The following FBXO38 variants were observed in gnomAD, a reference collection of about 807,000 sequenced individuals.
FBXO38 encodes the protein F-box only protein 38.
In FBXO38, 53 loss-of-function variants were observed where a neutral mutation model predicts 131.9. The observed-to-expected ratio is 0.40, with a 90% CI of 0.32 to 0.51. The LOEUF (loss-of-function observed/expected upper bound fraction) is 0.51. Ranked by LOEUF, FBXO38 falls within the 20% of genes least tolerant of loss-of-function variation. The pLI is 0.53. For synonymous variants in FBXO38, 452 were observed against 505.6 expected, an observed-to-expected ratio of 0.89 and a Z score of 1.42; for missense variants, 1,076 against 1,475.6, an observed-to-expected ratio of 0.73 and a Z score of 4.44.
rs927460825 is a variant in FBXO38, at chr5:148,394,864, A to T, written c.88A>T (p.Met30Leu). 1 of 1,599,664 alleles carries T rather than the reference A, an allele frequency of 6.3e-7. No homozygotes were observed. The highest frequency in any genetic ancestry group is 1.3e-5 in the African/African-American group (1 of 74,096). The part of the protein sequence containing the change: ...EMTADETKDY[M>L]NQLSHEVLCH... ...GACAGCAGATGAAACAAAGGACTATATGAATCAACTTTCACATGAAGTACT... is the reference window on the plus strand; with the variant it reads ...GACAGCAGATGAAACAAAGGACTATTTGAATCAACTTTCACATGAAGTACT... Residue 30 changes from methionine to leucine, a missense_variant, in exon 2 of 22, where the codon ATG becomes TTG. By Grantham distance (15) the Met-to-Leu change is conservative. Transcript: ENST00000340253.
intron 1 of FBXO38, among the ~76,000 whole-genome samples, chr5:148,389,486 T>TTC (rs1460835105): frequency 6.6e-6 from 1 of 152,234 alleles, no homozygotes; most frequent in African/African-American, 2.4e-5. Flanking sequence ...CAAGTCATCT[T>TTC]TCTCTAATGC....
chr5:148,394,035 A>C (rs1758349334), intron 1 of FBXO38, among the ~76,000 whole-genome samples: 1 of 152,096 alleles, frequency 6.6e-6, no homozygotes. Flanking sequence ...CAAAATATGC[A>C]TGTGATGCAA....
Position 148,409,188 on chromosome 5 carries a change from T to C in FBXO38, c.933T>C (p.Leu311=), listed in dbSNP as rs1393726735. The change falls in exon 8 of 22, where the codon CTT becomes CTC. Residue 311 remains leucine (L), a synonymous_variant. Transcript: ENST00000340253. ...GCAAAAATGCTCTTGAAGTAGATCT[T>C]GGTTACCTCATCATTACTGCTGCCC... ...GACKNALEVD[L]GYLIITAARR... is the part of the protein sequence containing the mutation. The C allele has an allele frequency of 6.2e-7, 1 of 1,611,664 alleles. No individual in the cohort carries two copies. Among genetic ancestry groups the C allele is most frequent in the Non-Finnish European group, 8.5e-7 (1 of 1,177,920 alleles).
At position 148,423,789 on chromosome 5, in the gene FBXO38, C is replaced by G. The variant is rs761322005; in HGVS notation, c.1619-209C>G. ...GGCTTTCTCCAACAAATGATCCTTT[C>G]CCATCTGTGATTTTCTCTCCTGTAG... On this transcript the variant is annotated intron_variant, in intron 12 of 21. Transcript: ENST00000340253. 6.2e-5 allele frequency: 21 copies of G among 337,082 alleles called. No individual in the cohort carries two copies. The South Asian group carries it at 1.5e-3, about 25-fold the overall frequency. 20.9% of individuals were successfully genotyped at this position (337,082 alleles called of 1,614,324 possible). A position where few individuals can be genotyped will look rare whatever the true frequency, so the allele number is the denominator to read the frequency against.
chr5:148,404,593 A>G, intron 5 of FBXO38, 92 bp from the exon 6 acceptor site: 3 of 1,079,890 alleles, frequency 2.8e-6, no homozygotes, highest in Non-Finnish European at 3.7e-6. Context: ...TAAGCTGTTA[A>G]TATGAAAAAT....
rs376255193 is a variant in FBXO38, at chr5:148,417,163, G to A, written c.1577G>A (p.Arg526Gln). The A allele has an allele frequency of 6.8e-5, 109 of 1,613,748 alleles. 1 individual carries two copies. The highest frequency in any genetic ancestry group is 5.0e-4 in the Middle Eastern group (3 of 6,060). The change falls in exon 12 of 22, where the codon CGG becomes CAG. Residue 526 changes from arginine to glutamine, a missense_variant. Around this residue, in one of 8 missense-constraint regions of FBXO38, gnomAD observed 212 missense variants for 221.2 expected, o/e 0.96. Transcript: ENST00000340253. The part of the protein sequence containing the change: ...PDDSDEENDF[R>Q]QDLQPGEQQF... ...GACTCAGACGAGGAGAATGACTTTC[G>A]GCAAGATCTGCAGCCAGGAGAGCAG...
chr5:148,419,050 AG>A (rs368690851), intron 12 of FBXO38, among the ~76,000 whole-genome samples: 48 of 152,244 alleles, frequency 3.2e-4, no homozygotes, highest in African/African-American at 1.0e-3. Context: ...TTACTATGGA[AG>A]GATTCAGCTT....
intron 6 of FBXO38, 69 bp downstream of exon 6, chr5:148,404,891 C>A: frequency 7.3e-7 from 1 of 1,361,644 alleles, no homozygotes; most frequent in Non-Finnish European, 9.9e-7. Context: ...CAAACTCTAG[C>A]TACATTTGTA....
chr5:148,422,812 A>G (rs745461679), intron 12 of FBXO38, among the ~76,000 whole-genome samples: 3 of 152,158 alleles, frequency 2.0e-5, no homozygotes, highest in Non-Finnish European at 4.4e-5. Context: ...CTGCATAAAA[A>G]CCTAGTGGTT....
chr5:148,413,161 G>A (rs1752853888), intron 9 of FBXO38: 1 of 152,116 alleles, frequency 6.6e-6, no homozygotes. Context: ...GTAAAGGATG[G>A]ATTAAGGTGA....
Position 148,406,239 on chromosome 5 carries a change from ATTTT to A in FBXO38, c.731-8_731-5del. 8.2e-7 allele frequency: 1 copy of A among 1,214,514 alleles called. No homozygotes were observed. The highest frequency in any genetic ancestry group is 1.1e-6 in the Non-Finnish European group (1 of 887,296). 75.2% of individuals were successfully genotyped at this position (1,214,514 alleles called of 1,614,324 possible). On this transcript the variant is annotated splice_polypyrimidine_tract_variant and intron_variant, in intron 6 of 21. Coordinates refer to ENST00000340253, the MANE Select transcript of FBXO38 (RefSeq NM_205836.3). ...GGCACTTTACATTGTTCTATCAAAG[ATTTT>A]TTTTTTTTTCCAGGACCCACAAATT...
chr5:148,427,133 A>C (rs937897052), intron 14 of FBXO38, 80 bp from the exon 15 acceptor site: 10 of 1,485,880 alleles, frequency 6.7e-6, no homozygotes, highest in Middle Eastern at 2.0e-4. Flanking sequence ...TCCTGTTCCA[A>C]ATTTACTCTT....
chr5:148,392,424 AG>A (rs567535724), intron 1 of FBXO38, among the ~76,000 whole-genome samples: 79 of 151,682 alleles, frequency 5.2e-4, no homozygotes, highest in African/African-American at 1.8e-3. Context: ...GGGGAGGGGG[AG>A]GGTTCGTGAT....
chr5:148,392,430 C>G (rs1421435292), intron 1 of FBXO38, among the ~76,000 whole-genome samples: 1 of 151,630 alleles, frequency 6.6e-6, no homozygotes. Flanking sequence ...GGGGAGGGTT[C>G]GTGATATGAA....
rs745720303 is a variant in FBXO38, at chr5:148,433,703, G to T, written c.2823G>T (p.Val941=). 1.2e-6 allele frequency: 2 copies of T among 1,610,544 alleles called. No individual in the cohort carries two copies. Among genetic ancestry groups the T allele is most frequent in the Non-Finnish European group, 1.7e-6 (2 of 1,178,120 alleles). ...TMTNCGITDL[V]LKDCPKMMFI... is the part of the protein sequence containing the mutation. ...CCAATTGTGGAATCACAGATCTAGT[G>T]CTAAAAGACTGTCCAAAGATGATGT... Residue 941 remains valine (V), a synonymous_variant, in exon 17 of 22, where the codon GTG becomes GTT. Coordinates refer to ENST00000340253, the MANE Select transcript of FBXO38 (RefSeq NM_205836.3).
rs370799682 is a variant in FBXO38, at chr5:148,404,799, C to A, written c.707C>A (p.Thr236Asn). The change falls in exon 6 of 22, where the codon ACT (threonine) becomes AAT (asparagine). Residue 236 changes from threonine to asparagine, a missense_variant. This residue lies in a region of FBXO38 where 66 missense variants were observed against 72.4 expected (regional missense o/e 0.91). Transcript: ENST00000340253. ...FKDFLCISLR[T>N]FVMRNCAGPT... ...GACTTCCTTTGTATCAGCTTAAGAA[C>A]TTTCGTCATGAGGAACTGTGCAGGT... The A allele has an allele frequency of 2.8e-5, 45 of 1,606,780 alleles. No individual in the cohort carries two copies. The highest frequency in any genetic ancestry group is 1.1e-5 in the South Asian group (1 of 89,096).
At chr5:148,441,634 A>G (rs1297018332) in intron 21 of FBXO38, 1 of 209,612 alleles carries the variant, frequency 4.8e-6, no homozygotes. Context: ...GAAATTTTTG[A>G]ATGTAGTTTC....
intron 9 of FBXO38, among the ~76,000 whole-genome samples, chr5:148,412,878 C>A (rs1752840468): frequency 6.6e-6 from 1 of 151,784 alleles, no homozygotes; most frequent in Non-Finnish European, 1.5e-5. Flanking sequence ...AAAAGAAAAA[C>A]AAAAATGAAT....
intron 1 of FBXO38, among the ~76,000 whole-genome samples, chr5:148,392,286 A>G (rs1301604914): frequency 1.3e-5 from 2 of 152,176 alleles, no homozygotes; most frequent in East Asian, 1.9e-4. Context: ...TAGCCCATCA[A>G]TTGTCTGTGG....
Sources: allele counts gnomAD v4.1 joint callset (sites outside exome capture counted in the v4.1 genomes callset), GRCh38; gene constraint gnomAD v4.1.1; regional missense constraint gnomAD v4.1.1; transcripts MANE v1.5; gene names NCBI Gene and HGNC (gene_info 2026-07-23, HGNC 2026-07-21).